CCSER2: variants seen among roughly 807,000 people sequenced by gnomAD.
CCSER2 encodes serine-rich coiled-coil domain-containing protein 2.
A neutral mutation model predicts 92.3 loss-of-function variants in CCSER2; 46 were observed. That is an observed-to-expected ratio of 0.50 (90% CI 0.39 to 0.64). CCSER2 has a LOEUF of 0.64. Among genes scored for constraint, CCSER2 ranks in the 30% least tolerant of loss-of-function variants. The pLI is 0.00. For missense variants in CCSER2, 1,244 were observed against 1,238.9 expected, an observed-to-expected ratio of 1.00 and a Z score of -0.06; for synonymous variants, 433 against 431.4, an observed-to-expected ratio of 1.00 and a Z score of -0.04.
intron 5 of CCSER2, among the ~76,000 whole-genome samples, chr10:84,436,890 A>G (rs1564661756): frequency 6.6e-6 from 1 of 152,212 alleles, no homozygotes; most frequent in Non-Finnish European, 1.5e-5. Context: ...ATGTGGGAAT[A>G]TTTGTTAAAA....
rs908935706 is a variant in CCSER2, at chr10:84,516,720, A to C, written c.*2453A>C. On this transcript the variant is annotated 3_prime_UTR_variant, in exon 10 of 10. Transcript: ENST00000372088. ...TTTATTTTTCTCTATTTTTTCCTCC[A>C]TGTATTTACTCCATTTTTCTCTATT... 2 of 152,048 alleles carry C rather than the reference A, an allele frequency of 1.3e-5. No individual in the cohort carries two copies. Among genetic ancestry groups the C allele is most frequent in the African/African-American group, 4.8e-5 (2 of 41,400 alleles). The allele number at this position is 152,048 out of a possible 1,614,324, so 9.4% of individuals were successfully genotyped here. A position where few individuals can be genotyped will look rare whatever the true frequency, so the allele number is the denominator to read the frequency against.
chr10:84,364,664 A>G (rs1194969997), intron 1 of CCSER2, among the ~76,000 whole-genome samples: 1 of 151,902 alleles, frequency 6.6e-6, no homozygotes, highest in African/African-American at 2.4e-5. Flanking sequence ...CCCTTATCCA[A>G]TTGTGGATTT....
At chr10:84,330,847 AG>A (rs1384994315) in intron 1 of CCSER2, among the ~76,000 whole-genome samples, 4 of 152,340 alleles carry the variant, frequency 2.6e-5, no homozygotes, top group Admixed American at 1.3e-4. Flanking sequence ...AGGAATAAAA[AG>A]GGCATGACCA....
chr10:84,389,364 G>T (rs7913637), intron 3 of CCSER2: 114,341 of 519,548 alleles, frequency 0.22, 15,711 homozygotes, highest in African/African-American at 0.53. Flanking sequence ...TTTTCACCTT[G>T]TTTAATATTT....
At chr10:84,434,974 T>C (rs1345601102) in intron 5 of CCSER2, among the ~76,000 whole-genome samples, 2 of 152,204 alleles carry the variant, frequency 1.3e-5, no homozygotes, top group Non-Finnish European at 2.9e-5. Flanking sequence ...TATATAGGTT[T>C]CTTTATGCTG....
chr10:84,445,183 T>C (rs906518976), intron 6 of CCSER2, among the ~76,000 whole-genome samples: 9 of 152,170 alleles, frequency 5.9e-5, no homozygotes, highest in African/African-American at 2.2e-4. Context: ...AGTTGGAGTC[T>C]TGCTCTGTCG....
At chr10:84,427,144 G>T (rs1190440929) in intron 5 of CCSER2, among the ~76,000 whole-genome samples, 1 of 152,180 alleles carries the variant, frequency 6.6e-6, no homozygotes, top group Non-Finnish European at 1.5e-5. Context: ...CCACATGAGT[G>T]ATTCTTACTG....
intron 3 of CCSER2, among the ~76,000 whole-genome samples, chr10:84,399,378 C>T (rs1841999414): frequency 6.6e-6 from 1 of 152,076 alleles, no homozygotes. Context: ...TTTTTTATGG[C>T]TGAGTAATAT....
chr10:84,399,537 T>C (rs1327330464), intron 3 of CCSER2, among the ~76,000 whole-genome samples: 1 of 152,210 alleles, frequency 6.6e-6, no homozygotes, highest in Non-Finnish European at 1.5e-5. Context: ...TTATTTATTT[T>C]CACTAAATAT....
At position 84,372,333 on chromosome 10, in the gene CCSER2, T is replaced by C; in HGVS notation, c.1281T>C (p.Thr427=). 7 of 1,612,046 alleles carry C rather than the reference T, an allele frequency of 4.3e-6. No individual in the cohort carries two copies. Among genetic ancestry groups the C allele is most frequent in the Non-Finnish European group, 5.1e-6 (6 of 1,178,578 alleles). Residue 427 remains threonine, a synonymous_variant, in exon 2 of 10, where the codon ACT becomes ACC. Transcript: ENST00000372088. ...TAGATATAGAAGACTCCAACAGAAC[T>C]AGAATAACTCCAGAGGAAATGTCTC... ...DFIDIEDSNR[T]RITPEEMSLK...
At chr10:84,455,402 A>T (rs1317020361) in intron 6 of CCSER2, among the ~76,000 whole-genome samples, 1 of 150,248 alleles carries the variant, frequency 6.7e-6, no homozygotes, top group African/African-American at 2.5e-5. Context: ...CAGCCTCCCT[A>T]GTAGCTGGGA....
At chr10:84,490,585 C>G (rs887090313) in intron 9 of CCSER2, among the ~76,000 whole-genome samples, 1 of 152,202 alleles carries the variant, frequency 6.6e-6, no homozygotes, top group African/African-American at 2.4e-5. Context: ...TGGTTTTCAG[C>G]TCCATCAGGT....
At chr10:84,428,964 A>AT (rs34587677) in intron 5 of CCSER2, among the ~76,000 whole-genome samples, 31,129 of 136,258 alleles carry the variant, frequency 0.23, 3,583 homozygotes, top group Admixed American at 0.37. Flanking sequence ...TTTGTTGAAG[A>AT]TTTTTTTTGT....
intron 5 of CCSER2, among the ~76,000 whole-genome samples, chr10:84,433,003 C>G (rs769418598): frequency 7.9e-5 from 12 of 152,062 alleles, no homozygotes; most frequent in Non-Finnish European, 1.6e-4. Context: ...GCTCCTTTGT[C>G]GAAGATCAAT....
intron 8 of CCSER2, among the ~76,000 whole-genome samples, chr10:84,471,869 TTAAA>T (rs1463268945): frequency 3.3e-5 from 5 of 152,072 alleles, no homozygotes; most frequent in Non-Finnish European, 7.4e-5. Flanking sequence ...AATATTCAGA[TTAAA>T]TAAGTTTGAG....
Position 84,513,324 on chromosome 10 carries a change from A to G in CCSER2, c.2326-125A>G. 1 of 739,898 alleles carries G rather than the reference A, an allele frequency of 1.4e-6. No individual in the cohort carries two copies. Among genetic ancestry groups the G allele is most frequent in the Non-Finnish European group, 2.1e-6 (1 of 466,134 alleles). 45.8% of individuals were successfully genotyped at this position (739,898 alleles called of 1,614,324 possible). On this transcript the variant is annotated intron_variant, in intron 9 of 9. Transcript: ENST00000372088. ...TATTGCAGTTCATTTTTTAATTAAA[A>G]GAAACTCCACATATTTTCCATATTA...
In CCSER2 at chr10:84,514,156, G is replaced by A. The variant is rs951060618; in HGVS notation, c.3033G>A (p.Arg1011=). The A allele has an allele frequency of 6.5e-6, 10 of 1,536,144 alleles. No homozygotes were observed. The highest frequency in any genetic ancestry group is 4.1e-5 in the African/African-American group (3 of 72,994). Residue 1011 remains arginine, a synonymous_variant, in exon 10 of 10, where the codon AGG becomes AGA. Coordinates refer to ENST00000372088, the MANE Select transcript of CCSER2 (RefSeq NM_001284240.2). ...TCCAGGCCAAGACAAGCATCCCAAG[G>A]CCACTAACACAACGAAAAGAAATCA... ...QSFQAKTSIP[R]PLTQRKEIMQ...
At chr10:84,487,391 C>G (rs921892103) in intron 9 of CCSER2, among the ~76,000 whole-genome samples, 1 of 152,158 alleles carries the variant, frequency 6.6e-6, no homozygotes, top group Non-Finnish European at 1.5e-5. Flanking sequence ...GAACGTTCTT[C>G]CATTTGTTAG....
intron 6 of CCSER2, among the ~76,000 whole-genome samples, chr10:84,442,499 A>T (rs1232500250): frequency 6.6e-6 from 1 of 152,214 alleles, no homozygotes; most frequent in African/African-American, 2.4e-5. Flanking sequence ...CTACATCTGT[A>T]TATTTCTCCA....
Sources: allele counts gnomAD v4.1 joint callset (sites outside exome capture counted in the v4.1 genomes callset), GRCh38; gene constraint gnomAD v4.1.1; transcripts MANE v1.5; gene names NCBI Gene and HGNC (gene_info 2026-07-23, HGNC 2026-07-21).